ATF7IP: variants seen among roughly 807,000 people sequenced by gnomAD.
The protein encoded by ATF7IP is activating transcription factor 7 interacting protein, also known as activating transcription factor 7-interacting protein 1.
In ATF7IP, 23 loss-of-function variants were observed where a neutral mutation model predicts 106.4. The ratio of observed to expected loss-of-function variants is 0.22; its 90% CI spans 0.16 to 0.31. The LOEUF is 0.31. Ranked by LOEUF, ATF7IP falls within the 10% of genes least tolerant of loss-of-function variation. ATF7IP has a pLI of 1.00. For synonymous variants in ATF7IP, 542 were observed against 539.0 expected, an observed-to-expected ratio of 1.01 and a Z score of -0.08; for missense variants, 1,334 against 1,524.3, an observed-to-expected ratio of 0.88 and a Z score of 2.08.
chr12:14,453,096 G>A (rs1943272752), intron 6 of ATF7IP, among the ~76,000 whole-genome samples: 1 of 152,156 alleles, frequency 6.6e-6, no homozygotes, highest in Non-Finnish European at 1.5e-5. Context: ...GTTCCCTTGT[G>A]TGTTGTTATG....
intron 6 of ATF7IP, among the ~76,000 whole-genome samples, chr12:14,447,278 A>G (rs1943010921): frequency 2.5e-5 from 3 of 119,096 alleles, no homozygotes; most frequent in African/African-American, 9.1e-5. Flanking sequence ...AGGTTATGCA[A>G]TTCTTTTTTT....
intron 1 of ATF7IP, among the ~76,000 whole-genome samples, chr12:14,372,685 T>G (rs1472329717): frequency 6.6e-6 from 1 of 152,122 alleles, no homozygotes; most frequent in Admixed American, 6.6e-5. Flanking sequence ...TAACTAGCTG[T>G]ATTTGGGAGA....
At position 14,498,762 on chromosome 12, in the gene ATF7IP, T is replaced by C. The variant is rs1945084277; in HGVS notation, c.*689T>C. 1 of 152,630 alleles carries C rather than the reference T, an allele frequency of 6.6e-6. No homozygotes were observed. The highest frequency in any genetic ancestry group is 2.4e-5 in the African/African-American group (1 of 41,434). The allele number at this position is 152,630 out of a possible 1,614,324, so 9.5% of individuals were successfully genotyped here. A position where few individuals can be genotyped will look rare whatever the true frequency, so the allele number is the denominator to read the frequency against. On this transcript the variant is annotated 3_prime_UTR_variant, in exon 15 of 15. Coordinates refer to ENST00000261168, the MANE Select transcript of ATF7IP (RefSeq NM_018179.5). ...AAAAATAAATAAATAAATATGGCCATATGTCCGTTGTTGCTTAGTCTTCCC... is the reference window on the plus strand; with the variant it reads ...AAAAATAAATAAATAAATATGGCCACATGTCCGTTGTTGCTTAGTCTTCCC...
chr12:14,496,254 A>C lies in ATF7IP; in HGVS notation c.3304A>C (p.Thr1102Pro), dbSNP rs764650738. ...AGGTGTTACAGTTCGAGTGCCTCAA[A>C]CAACCACATATGTTGTAAACAATGG... The part of the protein sequence containing the change: ...QNSVTVRVPQ[T>P]TTYVVNNGLT... Residue 1102 changes from threonine (T) to proline (P), a missense_variant, in exon 14 of 15, where the codon ACA (threonine) becomes CCA (proline). Physicochemically the swap from Thr to Pro is conservative, Grantham distance 38. This residue lies in a region of ATF7IP where 370 missense variants were observed against 401.2 expected (regional missense o/e 0.92). Transcript: ENST00000261168. 6.2e-6 allele frequency: 10 copies of C among 1,613,496 alleles called. No individual in the cohort carries two copies. In the African/African-American group the frequency reaches 8.0e-5, roughly 13 times the overall value.
chr12:14,481,028 T>C lies in ATF7IP; in HGVS notation c.3123T>C (p.His1041=). The C allele has an allele frequency of 6.2e-7, 1 of 1,613,978 alleles. No homozygotes were observed. The highest frequency in any genetic ancestry group is 8.5e-7 in the Non-Finnish European group (1 of 1,179,924). ...CTCCAACTACCGTGAATGTAACACATCGTCCAGTAACTCAGGTGACCACAA... is the reference window on the plus strand; with the variant it reads ...CTCCAACTACCGTGAATGTAACACACCGTCCAGTAACTCAGGTGACCACAA... ...PTAPTTVNVT[H]RPVTQVTTRL... Residue 1041 remains histidine, a synonymous_variant, in exon 13 of 15, where the codon CAT becomes CAC. Transcript: ENST00000261168.
chr12:14,438,348 A>G, intron 5 of ATF7IP, 81 bp downstream of exon 5: 2 of 1,205,034 alleles, frequency 1.7e-6, no homozygotes, highest in South Asian at 3.5e-5. Context: ...TTTGAGATTA[A>G]CTATAAAATA....
At chr12:14,477,739 TAGA>T (rs755641558) in intron 11 of ATF7IP, among the ~76,000 whole-genome samples, 7 of 152,212 alleles carry the variant, frequency 4.6e-5, no homozygotes, top group African/African-American at 7.2e-5. Flanking sequence ...TTATTTTGGA[TAGA>T]AGGACTTTTG....
chr12:14,406,567 A>G (rs1940591062), intron 1 of ATF7IP, among the ~76,000 whole-genome samples: 1 of 151,552 alleles, frequency 6.6e-6, no homozygotes, highest in Admixed American at 6.6e-5. Context: ...AATTTTGGAT[A>G]TCTGTTGCAT....
At chr12:14,489,992 T>G (rs1296641293) in intron 13 of ATF7IP, among the ~76,000 whole-genome samples, 1 of 152,186 alleles carries the variant, frequency 6.6e-6, no homozygotes, top group African/African-American at 2.4e-5. Flanking sequence ...TGCCACCAGG[T>G]AGCTAGCTGA....
At chr12:14,488,316 A>G (rs774743198) in intron 13 of ATF7IP, among the ~76,000 whole-genome samples, 5 of 152,194 alleles carry the variant, frequency 3.3e-5, no homozygotes, top group Non-Finnish European at 5.9e-5. Flanking sequence ...ACAATAGTCT[A>G]TCTGCAAGCT....
intron 1 of ATF7IP, among the ~76,000 whole-genome samples, chr12:14,406,256 G>A (rs138963337): frequency 0.018 from 2,722 of 152,158 alleles, 85 homozygotes; most frequent in African/African-American, 0.062. Context: ...CTGCCACCAC[G>A]CCTGGCTGAT....
At chr12:14,428,732 G>A (rs1171287140) in intron 2 of ATF7IP, among the ~76,000 whole-genome samples, 1 of 152,172 alleles carries the variant, frequency 6.6e-6, no homozygotes, top group African/African-American at 2.4e-5. Flanking sequence ...TCAGGCACTT[G>A]TTGAGCAAAT....
At chr12:14,436,346 A>G (rs2136620881) in intron 4 of ATF7IP, 95 bp downstream of exon 4, 4 of 1,272,304 alleles carry the variant, frequency 3.1e-6, no homozygotes, top group Admixed American at 2.3e-5. Flanking sequence ...TTATTGACAT[A>G]ATGTGGTTTA....
At chr12:14,404,217 A>G (rs938818643) in intron 1 of ATF7IP, among the ~76,000 whole-genome samples, 2 of 151,598 alleles carry the variant, frequency 1.3e-5, no homozygotes, top group African/African-American at 4.9e-5. Flanking sequence ...TCTAATTTTC[A>G]TGGTCATACA....
chr12:14,455,607 C>CGGGTG (rs1943395297), intron 6 of ATF7IP, among the ~76,000 whole-genome samples: 1 of 152,086 alleles, frequency 6.6e-6, no homozygotes, highest in African/African-American at 2.4e-5. Context: ...GTTTTTGAGG[C>CGGGTG]ATGTTCTGGC....
At chr12:14,431,520 G>A (rs377497136) in intron 2 of ATF7IP, among the ~76,000 whole-genome samples, 81 of 151,184 alleles carry the variant, frequency 5.4e-4, no homozygotes, top group African/African-American at 1.7e-3. Flanking sequence ...TCAGCCTCCC[G>A]AGTAGCTGGG....
chr12:14,430,950 A>G (rs1418402348), intron 2 of ATF7IP, among the ~76,000 whole-genome samples: 1 of 152,166 alleles, frequency 6.6e-6, no homozygotes, highest in African/African-American at 2.4e-5. Context: ...GAAAATATCT[A>G]TTTTTTGGCC....
intron 9 of ATF7IP, among the ~76,000 whole-genome samples, chr12:14,463,223 T>C (rs1018043709): frequency 6.6e-6 from 1 of 152,120 alleles, no homozygotes; most frequent in Non-Finnish European, 1.5e-5. Flanking sequence ...CTTATGTGGG[T>C]ATTATGTTTA....
chr12:14,433,348 T>C (rs1942234660), intron 2 of ATF7IP, among the ~76,000 whole-genome samples: 1 of 152,064 alleles, frequency 6.6e-6, no homozygotes, highest in African/African-American at 2.4e-5. Context: ...CTACTAAAAA[T>C]ACAAAAATTA....
Sources: gnomAD v4.1 joint callset for allele counts (sites outside exome capture counted in the v4.1 genomes callset) on GRCh38, gnomAD v4.1.1 for gene constraint, gnomAD v4.1.1 regional missense constraint, MANE v1.5 for transcripts, NCBI Gene and HGNC (gene_info 2026-07-23, HGNC 2026-07-21) for gene names.